PROS1: variants seen among roughly 807,000 people sequenced by gnomAD.
PROS1 encodes protein S, also known as vitamin K-dependent protein S.
A neutral mutation model predicts 75.9 loss-of-function variants in PROS1; 29 were observed. The ratio of observed to expected loss-of-function variants is 0.38; its 90% CI spans 0.28 to 0.52. The LOEUF (loss-of-function observed/expected upper bound fraction) is 0.52. PROS1 is among the 20% of genes least tolerant of loss of function. The pLI, the probability that PROS1 is intolerant of heterozygous loss-of-function variation, is 0.83. For synonymous variants in PROS1, 245 were observed against 280.6 expected (o/e 0.87, Z 1.27); for missense variants, 680 against 810.3 (o/e 0.84, Z 1.95).
intron 1 of PROS1, among the ~76,000 whole-genome samples, chr3:93,959,263 G>A (rs1709661404): frequency 6.6e-6 from 1 of 152,152 alleles, no homozygotes; most frequent in Non-Finnish European, 1.5e-5. Flanking sequence ...GCGATGAGCT[G>A]TGATCACACC....
At chr3:93,934,171 C>T (rs375950455) in intron 1 of PROS1, among the ~76,000 whole-genome samples, 2 of 148,272 alleles carry the variant, frequency 1.3e-5, no homozygotes, top group Admixed American at 6.7e-5. Context: ...CAGAGCAAGA[C>T]GCCATCACAT....
intron 4 of PROS1, among the ~76,000 whole-genome samples, chr3:93,907,059 G>A (rs1268646759): frequency 1.3e-5 from 2 of 152,206 alleles, no homozygotes. Flanking sequence ...GTGGAAAAGG[G>A]TAGGTCCCCT....
chr3:93,875,640 ATCT>A (rs1708171862), intron 14 of PROS1, among the ~76,000 whole-genome samples: 1 of 127,810 alleles, frequency 7.8e-6, no homozygotes, highest in Non-Finnish European at 1.7e-5. Context: ...CTATCTATCT[ATCT>A]ATCTATCTAT....
intron 3 of PROS1, among the ~76,000 whole-genome samples, chr3:93,917,834 TC>T (rs1708881706): frequency 6.6e-6 from 1 of 152,118 alleles, no homozygotes; most frequent in Admixed American, 6.5e-5. Context: ...AGGGCAGGGT[TC>T]GGGACCTGCA....
intron 3 of PROS1, among the ~76,000 whole-genome samples, chr3:93,915,609 C>A (rs780814348): frequency 2.6e-5 from 4 of 152,220 alleles, no homozygotes; most frequent in African/African-American, 7.2e-5. Flanking sequence ...CAGCCAATTT[C>A]TTTGCTACCT....
At chr3:93,885,472 C>T (rs532431263) in intron 11 of PROS1, among the ~76,000 whole-genome samples, 457 of 152,048 alleles carry the variant, frequency 3.0e-3, no homozygotes, top group South Asian at 4.4e-3. Flanking sequence ...GTGATCCACC[C>T]GCCTCGGCCT....
chr3:93,924,479 T>C (rs1361667841), intron 2 of PROS1, among the ~76,000 whole-genome samples: 1 of 152,080 alleles, frequency 6.6e-6, no homozygotes, highest in Non-Finnish European at 1.5e-5. Flanking sequence ...ATTGATCAAT[T>C]AATCATGTTT....
chr3:93,899,491 G>A (rs2107159749), intron 7 of PROS1, among the ~76,000 whole-genome samples: 1 of 152,100 alleles, frequency 6.6e-6, no homozygotes, highest in African/African-American at 2.4e-5. Context: ...TAAAAAATAT[G>A]TCATTCATTA....
chr3:93,874,944 G>A (rs1009885558), intron 14 of PROS1, among the ~76,000 whole-genome samples: 2 of 152,030 alleles, frequency 1.3e-5, no homozygotes, highest in African/African-American at 4.8e-5. Context: ...GTACTATTTA[G>A]AGTTCCTAAA....
rs1035395449 is a variant in PROS1, at chr3:93,910,562, G to A, written c.346+57C>T. 2.2e-6 allele frequency: 3 copies of A among 1,374,300 alleles called. No individual in the cohort carries two copies. The African/African-American group carries it at 4.3e-5, about 20-fold the overall frequency. 85.1% of individuals were successfully genotyped at this position (1,374,300 alleles called of 1,614,324 possible). A position where few individuals can be genotyped will look rare whatever the true frequency, so the allele number is the denominator to read the frequency against. ...AACGTTAGTTTATATTACCATGGGT[G>A]TACTTTACCTACAGAGTTTTTGTTT... On this transcript the variant is annotated intron_variant, in intron 4 of 14. Transcript: ENST00000394236.
intron 3 of PROS1, among the ~76,000 whole-genome samples, chr3:93,921,863 C>T (rs1708947032): frequency 1.3e-5 from 2 of 152,114 alleles, no homozygotes; most frequent in South Asian, 4.1e-4. Flanking sequence ...TTAATGCTCA[C>T]TTTTGTTTTT....
At chr3:93,956,563 A>ACAC (rs57080075) in intron 1 of PROS1, among the ~76,000 whole-genome samples, 153 of 128,258 alleles carry the variant, frequency 1.2e-3, no homozygotes, top group East Asian at 3.2e-3. Flanking sequence ...CACACACACA[A>ACAC]ACACACACAC....
intron 2 of PROS1, among the ~76,000 whole-genome samples, chr3:93,925,987 T>A (rs935667470): frequency 2.0e-5 from 3 of 152,060 alleles, no homozygotes; most frequent in African/African-American, 7.2e-5. Flanking sequence ...CTCCTCCACA[T>A]CAAGGTCTTC....
chr3:93,886,257 C>T, intron 11 of PROS1, 79 bp downstream of exon 11: 2 of 1,336,390 alleles, frequency 1.5e-6, no homozygotes, highest in South Asian at 2.4e-5. Context: ...TCTATTGATT[C>T]TCAGAAACAC....
intron 1 of PROS1, among the ~76,000 whole-genome samples, chr3:93,953,302 CT>C (rs1468562460): frequency 6.6e-6 from 1 of 152,128 alleles, no homozygotes; most frequent in Non-Finnish European, 1.5e-5. Flanking sequence ...ACCAATATCC[CT>C]GATGAACATT....
At position 93,937,646 on chromosome 3, in the gene PROS1, C is replaced by T. The variant is rs150269967; in HGVS notation, c.77-10239G>A. ...CCTCCCAAAGTACTGGGATTACAGG[C>T]GTGAGTCACCATGCTCAGCCTGAGT... On this transcript the variant is annotated intron_variant, in intron 1 of 14. Coordinates refer to ENST00000394236, the MANE Select transcript of PROS1 (RefSeq NM_000313.4). Among the ~76,000 whole-genome samples the T allele has an allele frequency of 4.4e-3, 669 of 152,224 alleles. 2 individuals carry two copies. Among genetic ancestry groups the T allele is most frequent in the Middle Eastern group, 0.02 (6 of 294 alleles).
intron 3 of PROS1, among the ~76,000 whole-genome samples, chr3:93,921,839 A>G (rs1708946564): frequency 6.6e-6 from 1 of 152,140 alleles, no homozygotes; most frequent in South Asian, 2.1e-4. Flanking sequence ...TCAAAGAATG[A>G]GAATGTGCTT....
At position 93,892,223 on chromosome 3, in the gene PROS1, A is replaced by G. The variant is rs555825777; in HGVS notation, c.1155+710T>C. The stretch of plus-strand genomic sequence containing the variant: ...TGCACACCTGTAATCCCAGCTACTC[A>G]GGAGGGTGAGGCACAAGAATCTCTT... On this transcript the variant is annotated intron_variant, in intron 10 of 14. Coordinates refer to ENST00000394236, the MANE Select transcript of PROS1 (RefSeq NM_000313.4). Among the ~76,000 whole-genome samples the G allele has an allele frequency of 3.5e-3, 531 of 152,058 alleles. 5 individuals carry two copies. The highest frequency in any genetic ancestry group is 0.012 in the African/African-American group (488 of 41,484).
At chr3:93,882,243 C>G (rs1708284022) in intron 12 of PROS1, among the ~76,000 whole-genome samples, 1 of 152,054 alleles carries the variant, frequency 6.6e-6, no homozygotes, top group Non-Finnish European at 1.5e-5. Flanking sequence ...ATTTGCATAA[C>G]CTTTGATAGA....
Sources: allele counts gnomAD v4.1 joint callset (sites outside exome capture counted in the v4.1 genomes callset), GRCh38; gene constraint gnomAD v4.1.1; transcripts MANE v1.5; gene names NCBI Gene and HGNC (gene_info 2026-07-23, HGNC 2026-07-21).